ARHGAP42: variants seen among roughly 807,000 people sequenced by gnomAD.
ARHGAP42 encodes the protein rho GTPase-activating protein 42.
A neutral mutation model predicts 125.0 loss-of-function variants in ARHGAP42; 63 were observed. The ratio of observed to expected loss-of-function variants is 0.50; its 90% CI spans 0.41 to 0.62. ARHGAP42 has a LOEUF of 0.62. Ranked by LOEUF, ARHGAP42 falls within the 20% of genes least tolerant of loss-of-function variation. ARHGAP42 has a pLI of 0.00. For missense variants in ARHGAP42, 766 were observed against 1,024.2 expected (o/e 0.75, Z 3.44); for synonymous variants, 339 against 351.0 (o/e 0.97, Z 0.38).
intron 1 of ARHGAP42, among the ~76,000 whole-genome samples, chr11:100,705,959 T>C (rs902374705): frequency 6.6e-6 from 1 of 151,150 alleles, no homozygotes. Flanking sequence ...CCTGTACTTC[T>C]GTGGAATAGT....
intron 2 of ARHGAP42, among the ~76,000 whole-genome samples, chr11:100,793,652 T>C (rs1038099583): frequency 1.4e-5 from 2 of 146,874 alleles, no homozygotes; most frequent in Non-Finnish European, 3.0e-5. Flanking sequence ...TGATGAGTTC[T>C]TTTGATTTGT....
chr11:100,968,083 A>G (rs527546367), intron 17 of ARHGAP42, among the ~76,000 whole-genome samples: 1 of 152,222 alleles, frequency 6.6e-6, no homozygotes, highest in South Asian at 2.1e-4. Flanking sequence ...TTGTTTTAAA[A>G]TCTATTTTGT....
At chr11:100,950,707 A>C (rs907459850) in intron 12 of ARHGAP42, among the ~76,000 whole-genome samples, 1 of 152,048 alleles carries the variant, frequency 6.6e-6, no homozygotes, top group African/African-American at 2.4e-5. Context: ...AGTGCTTTAC[A>C]TAGTCATTTT....
At chr11:100,901,247 A>G (rs779843219) in intron 4 of ARHGAP42, among the ~76,000 whole-genome samples, 6 of 152,172 alleles carry the variant, frequency 3.9e-5, no homozygotes, top group Non-Finnish European at 7.3e-5. Flanking sequence ...ATATCGCACA[A>G]CAGCAAATAT....
rs1265383265 is a variant in ARHGAP42, at chr11:100,992,577, C to A, written c.*3776C>A. On this transcript the variant is annotated 3_prime_UTR_variant, in exon 24 of 24. Transcript: ENST00000298815. ...CGCAGATGTAATATCGAGTATTCAT[C>A]AACTGGTCTCAATTTCCTGAACACA... The A allele has an allele frequency of 1.2e-6, 2 of 1,613,996 alleles. No homozygotes were observed. The highest frequency in any genetic ancestry group is 1.6e-4 in the Middle Eastern group (1 of 6,082).
chr11:100,696,497 G>A (rs1311090509), intron 1 of ARHGAP42, among the ~76,000 whole-genome samples: 1 of 151,598 alleles, frequency 6.6e-6, no homozygotes, highest in Non-Finnish European at 1.5e-5. Flanking sequence ...GGGATTATAG[G>A]TGTGCACCAC....
At chr11:100,781,511 G>C (rs1863309947) in intron 2 of ARHGAP42, among the ~76,000 whole-genome samples, 1 of 152,006 alleles carries the variant, frequency 6.6e-6, no homozygotes, top group South Asian at 2.1e-4. Flanking sequence ...TGACTTTGAG[G>C]TTACTTGTTC....
At chr11:100,914,286 A>G (rs769742013) in intron 5 of ARHGAP42, among the ~76,000 whole-genome samples, 6 of 152,024 alleles carry the variant, frequency 3.9e-5, no homozygotes, top group African/African-American at 7.3e-5. Flanking sequence ...TTAAGAACAA[A>G]TGAATAAATA....
At chr11:100,804,448 C>A (rs1863940044) in intron 3 of ARHGAP42, among the ~76,000 whole-genome samples, 1 of 151,828 alleles carries the variant, frequency 6.6e-6, no homozygotes, top group Admixed American at 6.6e-5. Context: ...CTATTAAGGC[C>A]TCTGTTTTTC....
At chr11:100,746,187 C>T (rs1341423165) in intron 1 of ARHGAP42, among the ~76,000 whole-genome samples, 1 of 152,228 alleles carries the variant, frequency 6.6e-6, no homozygotes, top group East Asian at 1.9e-4. Flanking sequence ...TAAGCTCTTG[C>T]AAATTCTTAA....
At chr11:100,978,910 G>T in intron 21 of ARHGAP42, 77 bp from the exon 22 acceptor site, 1 of 1,421,424 alleles carries the variant, frequency 7.0e-7, no homozygotes, top group South Asian at 1.2e-5. Context: ...TTGTTTAACT[G>T]GCAATCATGA....
intron 22 of ARHGAP42, among the ~76,000 whole-genome samples, chr11:100,985,787 A>G (rs1448176856): frequency 1.3e-5 from 2 of 152,096 alleles, no homozygotes; most frequent in Non-Finnish European, 2.9e-5. Context: ...TCCTCTCTAC[A>G]CCTTCCAATC....
intron 1 of ARHGAP42, 40 bp downstream of exon 1, chr11:100,687,872 A>G: frequency 6.6e-7 from 1 of 1,507,482 alleles, no homozygotes; most frequent in East Asian, 2.6e-5. Flanking sequence ...CCGCATCTGG[A>G]GAGTCCCCGC....
chr11:100,961,028 T>G, intron 14 of ARHGAP42, 39 bp downstream of exon 14: 1 of 1,401,528 alleles, frequency 7.1e-7, no homozygotes, highest in Non-Finnish European at 9.7e-7. Flanking sequence ...ATTTTTGTGT[T>G]CTTATAGGTA....
At chr11:100,788,724 T>C (rs1370823428) in intron 2 of ARHGAP42, among the ~76,000 whole-genome samples, 1 of 152,178 alleles carries the variant, frequency 6.6e-6, no homozygotes, top group Non-Finnish European at 1.5e-5. Flanking sequence ...GTGGGAGAGT[T>C]GGTGTCACTT....
chr11:100,905,744 A>C (rs1866714228), intron 4 of ARHGAP42, among the ~76,000 whole-genome samples: 1 of 152,180 alleles, frequency 6.6e-6, no homozygotes, highest in Admixed American at 6.6e-5. Flanking sequence ...TGGGAGGTCG[A>C]GGCGGGTGGT....
At chr11:100,905,294 A>T (rs1866693903) in intron 4 of ARHGAP42, among the ~76,000 whole-genome samples, 1 of 152,228 alleles carries the variant, frequency 6.6e-6, no homozygotes, top group Non-Finnish European at 1.5e-5. Context: ...GCCTTCAGGG[A>T]TCAGAACTTT....
At chr11:100,977,893 T>C (rs1236208525) in intron 21 of ARHGAP42, among the ~76,000 whole-genome samples, 1 of 152,210 alleles carries the variant, frequency 6.6e-6, no homozygotes, top group African/African-American at 2.4e-5. Context: ...AAAAGTCCAG[T>C]AAGACATTTT....
intron 12 of ARHGAP42, among the ~76,000 whole-genome samples, chr11:100,952,567 C>T (rs1857686395): frequency 6.6e-6 from 1 of 152,048 alleles, no homozygotes; most frequent in East Asian, 1.9e-4. Flanking sequence ...TTCAAATTTG[C>T]TCACCCAAAC....
Sources: allele counts gnomAD v4.1 joint callset (sites outside exome capture counted in the v4.1 genomes callset), GRCh38; gene constraint gnomAD v4.1.1; transcripts MANE v1.5; gene names NCBI Gene and HGNC (gene_info 2026-07-23, HGNC 2026-07-21).